The following JMJD1C variants were observed in gnomAD, a reference collection of about 807,000 sequenced individuals.
The protein encoded by JMJD1C is jumonji domain containing 1C.
JMJD1C carries 31 observed loss-of-function variants against 245.3 expected under a neutral mutation model. The ratio of observed to expected loss-of-function variants is 0.13; its 90% CI spans 0.09 to 0.17. The LOEUF is 0.17. Ranked by LOEUF, JMJD1C falls within the 10% of genes least tolerant of loss-of-function variation. The probability of loss-of-function intolerance (pLI) is 1.00; values close to 1 mark genes in which losing one functional copy is unlikely to be tolerated. For synonymous variants in JMJD1C, 1,057 were observed against 1,017.4 expected, an observed-to-expected ratio of 1.04 and a Z score of -0.74; for missense variants, 2,691 against 3,000.2, an observed-to-expected ratio of 0.90 and a Z score of 2.41.
At chr10:63,368,090 C>A (rs971860879) in intron 2 of JMJD1C, among the ~76,000 whole-genome samples, 1 of 152,160 alleles carries the variant, frequency 6.6e-6, no homozygotes, top group African/African-American at 2.4e-5. Flanking sequence ...TGGGCAAATT[C>A]TTTATACAAC....
rs750471016 is a variant in JMJD1C, at chr10:63,185,586, G to A, written c.6807C>T (p.Asp2269=). The change falls in exon 20 of 26, where the codon GAC becomes GAT. Residue 2269 remains aspartate (D), a synonymous_variant. Transcript: ENST00000399262. ...ACCTTGCTGGCATCATAGTCTTGAA[G>A]TCTTCTCCTGAAGGCCAGTCTTTCA... ...LKLKDWPSGE[D]FKTMMPARYE... is the part of the protein sequence containing the mutation. 1.6e-5 allele frequency: 26 copies of A among 1,603,496 alleles called. No homozygotes were observed. The South Asian group carries it at 2.5e-4, about 16-fold the overall frequency.
intron 2 of JMJD1C, among the ~76,000 whole-genome samples, chr10:63,283,897 A>G (rs1162623409): frequency 2.0e-5 from 3 of 152,210 alleles, no homozygotes; most frequent in Admixed American, 6.5e-5. Flanking sequence ...CTACTCTGAC[A>G]ATAAGAAAAG....
intron 2 of JMJD1C, among the ~76,000 whole-genome samples, chr10:63,367,418 G>A (rs1457323616): frequency 6.6e-6 from 1 of 151,902 alleles, no homozygotes; most frequent in Non-Finnish European, 1.5e-5. Flanking sequence ...GGCTAATTTT[G>A]TACTTTTAGG....
intron 11 of JMJD1C, among the ~76,000 whole-genome samples, chr10:63,199,363 T>C (rs1055660908): frequency 1.3e-5 from 2 of 152,150 alleles, no homozygotes; most frequent in Non-Finnish European, 2.9e-5. Flanking sequence ...CTCAATTATA[T>C]TGTACTTCAC....
chr10:63,268,672 G>A (rs568014077), intron 2 of JMJD1C: 1 of 976,464 alleles, frequency 1.0e-6, no homozygotes, highest in South Asian at 4.7e-5. Context: ...CTTTGTTCTT[G>A]AGAATTTTAA....
chr10:63,272,894 T>C (rs917393325), intron 2 of JMJD1C, among the ~76,000 whole-genome samples: 1 of 152,214 alleles, frequency 6.6e-6, no homozygotes, highest in Non-Finnish European at 1.5e-5. Context: ...CTCAAGTACT[T>C]CAGTCCCTTA....
At chr10:63,449,968 G>C (rs899513595) in intron 1 of JMJD1C, among the ~76,000 whole-genome samples, 1 of 151,916 alleles carries the variant, frequency 6.6e-6, no homozygotes, top group Admixed American at 6.6e-5. Context: ...TAAAAATTAG[G>C]CAGGCATGGT....
At chr10:63,172,981 C>T (rs1054838025) in intron 24 of JMJD1C, among the ~76,000 whole-genome samples, 7 of 150,312 alleles carry the variant, frequency 4.7e-5, no homozygotes, top group Non-Finnish European at 1.0e-4. Context: ...TTTGAGCCTA[C>T]TAAAAGACCA....
intron 1 of JMJD1C, among the ~76,000 whole-genome samples, chr10:63,486,223 CATTAGAGTATGACTGA>C (rs2133203304): frequency 7.0e-6 from 1 of 143,788 alleles, no homozygotes; most frequent in African/African-American, 2.7e-5. Context: ...TTGAGAAATT[CATTAGAGTATGACTGA>C]AGCTTAGCAC....
At chr10:63,456,758 A>G (rs1168096846) in intron 1 of JMJD1C, among the ~76,000 whole-genome samples, 1 of 152,146 alleles carries the variant, frequency 6.6e-6, no homozygotes, top group Non-Finnish European at 1.5e-5. Flanking sequence ...CATAAGCAAT[A>G]TAGCCACACA....
At chr10:63,470,830 T>C (rs1953467975), upstream of JMJD1C, among the ~76,000 whole-genome samples, 1 of 152,200 alleles carries the variant, frequency 6.6e-6, no homozygotes. Context: ...GTTATCCAGT[T>C]TCCAGTTTAA....
chr10:63,477,662 T>A (rs748311849), intron 1 of JMJD1C, among the ~76,000 whole-genome samples: 10 of 151,954 alleles, frequency 6.6e-5, no homozygotes, highest in Non-Finnish European at 1.3e-4. Context: ...CTAAAAAACT[T>A]TCAGAAGAAA....
intron 2 of JMJD1C, among the ~76,000 whole-genome samples, chr10:63,320,328 T>C (rs1940697183): frequency 6.6e-6 from 1 of 152,244 alleles, no homozygotes; most frequent in Non-Finnish European, 1.5e-5. Context: ...TCATCATTTG[T>C]CTAATCTAGT....
intron 1 of JMJD1C, among the ~76,000 whole-genome samples, chr10:63,430,734 A>G (rs1276842124): frequency 6.6e-6 from 1 of 152,154 alleles, no homozygotes; most frequent in Non-Finnish European, 1.5e-5. Context: ...TGCTATGTAA[A>G]TTATATCTCA....
chr10:63,455,452 G>A (rs544086928), intron 1 of JMJD1C, among the ~76,000 whole-genome samples: 2 of 152,202 alleles, frequency 1.3e-5, no homozygotes, highest in South Asian at 4.2e-4. Context: ...AGGTTCCACT[G>A]ATCATTATAC....
intron 1 of JMJD1C, among the ~76,000 whole-genome samples, chr10:63,419,593 A>G (rs1372532344): frequency 6.6e-6 from 1 of 152,040 alleles, no homozygotes; most frequent in Non-Finnish European, 1.5e-5. Flanking sequence ...ATAGATCTAA[A>G]AAAGTCCAAA....
intron 1 of JMJD1C, among the ~76,000 whole-genome samples, chr10:63,451,327 C>G (rs1450925333): frequency 6.6e-6 from 1 of 152,116 alleles, no homozygotes; most frequent in Non-Finnish European, 1.5e-5. Flanking sequence ...CCAAAACAAT[C>G]TTGAAAAAGA....
At chr10:63,499,095 T>C (rs562835612) in intron 1 of JMJD1C, among the ~76,000 whole-genome samples, 1 of 152,366 alleles carries the variant, frequency 6.6e-6, no homozygotes, top group East Asian at 1.9e-4. Context: ...ATTGTATGTA[T>C]ATACCACATT....
intron 2 of JMJD1C, among the ~76,000 whole-genome samples, chr10:63,337,900 C>T (rs1481864677): frequency 6.6e-6 from 1 of 152,178 alleles, no homozygotes; most frequent in African/African-American, 2.4e-5. Context: ...ACTAAAACCA[C>T]TTCATATTCA....
Sources: gnomAD v4.1 joint callset for allele counts (sites outside exome capture counted in the v4.1 genomes callset) on GRCh38, gnomAD v4.1.1 for gene constraint, MANE v1.5 for transcripts, NCBI Gene and HGNC (gene_info 2026-07-23, HGNC 2026-07-21) for gene names.